TLCD4: variants seen among roughly 807,000 people sequenced by gnomAD.
TLCD4 encodes TLC domain-containing protein 4.
Under a neutral mutation model 24.2 loss-of-function variants are expected in TLCD4, and 7 were observed. That is an observed-to-expected ratio of 0.29 (90% CI 0.16 to 0.54). TLCD4 has a LOEUF of 0.54. Among genes scored for constraint, TLCD4 ranks in the 20% least tolerant of loss-of-function variants. The probability of loss-of-function intolerance (pLI) is 0.95; values close to 1 mark genes in which losing one functional copy is unlikely to be tolerated. For missense variants in TLCD4, 259 were observed against 313.9 expected (o/e 0.82, Z 1.32); for synonymous variants, 103 against 106.4 (o/e 0.97, Z 0.20).
intron 1 of TLCD4, among the ~76,000 whole-genome samples, chr1:95,126,931 G>A (rs1427897179): frequency 6.6e-6 from 1 of 152,240 alleles, no homozygotes; most frequent in Admixed American, 6.5e-5. Context: ...GGGATTGGGG[G>A]CCTGGCGTGG....
Position 95,159,787 on chromosome 1 carries a change from G to C in TLCD4, c.399+8368G>C, listed in dbSNP as rs1249208307. Among the ~76,000 whole-genome samples, 11 of 152,090 alleles carry C rather than the reference G, an allele frequency of 7.2e-5. No homozygotes were observed. The East Asian group carries it at 1.2e-3, about 16-fold the overall frequency. ...AATCCTTTCCCCATTTCTTGTTTTTGTCAGGTTTCTCAAAGATCAGATGGT... is the reference window on the plus strand; with the variant it reads ...AATCCTTTCCCCATTTCTTGTTTTTCTCAGGTTTCTCAAAGATCAGATGGT... On this transcript the variant is annotated intron_variant, in intron 5 of 6. Coordinates refer to ENST00000370203, the MANE Select transcript of TLCD4 (RefSeq NM_152487.3).
intron 1 of TLCD4, among the ~76,000 whole-genome samples, chr1:95,141,461 C>G (rs1677195523): frequency 6.6e-6 from 1 of 152,138 alleles, no homozygotes. Context: ...GGGGAAACCT[C>G]CTCACATTTA....
intron 1 of TLCD4, chr1:95,120,207 A>C (rs888025605): frequency 3.9e-5 from 6 of 152,234 alleles, no homozygotes; most frequent in African/African-American, 1.2e-4. Context: ...TTAACTGAAC[A>C]TTAGGAATGA....
intron 6 of TLCD4, among the ~76,000 whole-genome samples, chr1:95,188,160 G>T (rs1443716304): frequency 6.6e-6 from 1 of 152,074 alleles, no homozygotes; most frequent in Admixed American, 6.6e-5. Flanking sequence ...GGCCGAGGCG[G>T]GTGGATCACA....
At chr1:95,135,618 G>A (rs988086652) in intron 1 of TLCD4, among the ~76,000 whole-genome samples, 5 of 151,878 alleles carry the variant, frequency 3.3e-5, no homozygotes, top group African/African-American at 1.2e-4. Context: ...GGTTGGTCTT[G>A]AACTCCTGAC....
upstream of TLCD4, among the ~76,000 whole-genome samples, chr1:95,113,043 C>CTT (rs1054737210): frequency 7.8e-4 from 106 of 136,728 alleles, no homozygotes; most frequent in African/African-American, 2.5e-3. Context: ...TCTTTTCTTT[C>CTT]TTTTTTTTTT....
intron 6 of TLCD4, among the ~76,000 whole-genome samples, chr1:95,178,819 C>T (rs547988496): frequency 1.3e-5 from 2 of 152,174 alleles, no homozygotes; most frequent in African/African-American, 2.4e-5. Flanking sequence ...GTATTATAGT[C>T]AAGTGTTTTG....
intron 1 of TLCD4, among the ~76,000 whole-genome samples, chr1:95,133,754 G>C (rs1216652314): frequency 6.6e-6 from 1 of 151,976 alleles, no homozygotes; most frequent in African/African-American, 2.4e-5. Context: ...GTTGAGGGCT[G>C]TCTGATCCCT....
intron 6 of TLCD4, 148 bp downstream of exon 6, chr1:95,174,037 T>G: frequency 8.1e-7 from 1 of 1,241,874 alleles, no homozygotes; most frequent in South Asian, 1.6e-5. Flanking sequence ...ATGAGGAAAG[T>G]GAGTTTTGGA....
chr1:95,114,928 C>T (rs1676401120), upstream of TLCD4, among the ~76,000 whole-genome samples: 3 of 151,592 alleles, frequency 2.0e-5, no homozygotes, highest in South Asian at 6.2e-4. Context: ...CAGTGAATAA[C>T]AATATAAAAA....
intron 1 of TLCD4, among the ~76,000 whole-genome samples, chr1:95,130,353 CAT>C (rs1182117829): frequency 6.6e-6 from 1 of 152,046 alleles, no homozygotes; most frequent in Non-Finnish European, 1.5e-5. Context: ...GGGGTTTTAC[CAT>C]ATTGGCCAGG....
chr1:95,143,876 C>A lies in TLCD4; in HGVS notation c.-11-15C>A. On this transcript the variant is annotated splice_polypyrimidine_tract_variant and intron_variant, in intron 1 of 6. Coordinates refer to ENST00000370203, the MANE Select transcript of TLCD4 (RefSeq NM_152487.3). ...TTATGAGACAACAATTTATAGCTGTCATTTATCTTAACAGGTTGAAGAAAT... is the reference window on the plus strand; with the variant it reads ...TTATGAGACAACAATTTATAGCTGTAATTTATCTTAACAGGTTGAAGAAAT... 7.4e-7 allele frequency: 1 copy of A among 1,356,040 alleles called. No homozygotes were observed. Among genetic ancestry groups the A allele is most frequent in the Admixed American group, 2.9e-5 (1 of 34,650 alleles). 84.0% of individuals were successfully genotyped at this position (1,356,040 alleles called of 1,614,324 possible). A position where few individuals can be genotyped will look rare whatever the true frequency, so the allele number is the denominator to read the frequency against.
At chr1:95,154,629 A>G (rs1038391633) in intron 5 of TLCD4, among the ~76,000 whole-genome samples, 14 of 152,184 alleles carry the variant, frequency 9.2e-5, no homozygotes, top group Non-Finnish European at 1.6e-4. Context: ...GCTTAATGCT[A>G]GGTAGGAACA....
At chr1:95,157,259 A>G (rs1677658618) in intron 5 of TLCD4, among the ~76,000 whole-genome samples, 2 of 152,168 alleles carry the variant, frequency 1.3e-5, no homozygotes, top group African/African-American at 4.8e-5. Flanking sequence ...TTTTTCCTAT[A>G]TACATACGGG....
chr1:95,108,055 C>A, the TLCD4 span, among the ~76,000 whole-genome samples: 29 of 152,004 alleles, frequency 1.9e-4, no homozygotes, highest in African/African-American at 6.5e-4. Context: ...GTGTAAAGGT[C>A]CTTTATTTTT....
At chr1:95,114,074 T>C (rs552316623), upstream of TLCD4, among the ~76,000 whole-genome samples, 1 of 152,314 alleles carries the variant, frequency 6.6e-6, no homozygotes, top group South Asian at 2.1e-4. Context: ...TGTTTGTTTG[T>C]TTAGAGACAG....
chr1:95,117,836 G>C (rs905384307), intron 1 of TLCD4: 1 of 150,976 alleles, frequency 6.6e-6, no homozygotes, highest in African/African-American at 2.4e-5. Context: ...AGGTGTGTGC[G>C]GAAGGCTCAG....
intron 4 of TLCD4, 124 bp downstream of exon 4, chr1:95,150,390 A>G (rs1677462451): frequency 8.4e-7 from 1 of 1,191,130 alleles, no homozygotes; most frequent in African/African-American, 1.6e-5. Context: ...ACAGAGGAAA[A>G]AAATACCTCC....
intron 1 of TLCD4, among the ~76,000 whole-genome samples, chr1:95,135,852 G>C (rs1269860726): frequency 2.6e-5 from 4 of 152,000 alleles, no homozygotes; most frequent in Non-Finnish European, 5.9e-5. Context: ...CCTGGTAGCT[G>C]GGATTACAGG....
Sources: allele counts gnomAD v4.1 joint callset (sites outside exome capture counted in the v4.1 genomes callset), GRCh38; gene constraint gnomAD v4.1.1; transcripts MANE v1.5; gene names NCBI Gene and HGNC (gene_info 2026-07-23, HGNC 2026-07-21).